The following NALCN variants were observed in gnomAD, a reference collection of about 807,000 sequenced individuals.
The protein encoded by NALCN is sodium leak channel NALCN.
In NALCN, 111 loss-of-function variants were observed where a neutral mutation model predicts 225.3. The observed-to-expected ratio is 0.49, with a 90% CI of 0.42 to 0.58. The LOEUF (loss-of-function observed/expected upper bound fraction) is 0.58. NALCN is among the 20% of genes least tolerant of loss of function. NALCN has a pLI of 0.00. For missense variants in NALCN, 1,378 were observed against 2,202.4 expected (o/e 0.63, Z 7.49); for synonymous variants, 764 against 769.0 (o/e 0.99, Z 0.11).
intron 7 of NALCN, among the ~76,000 whole-genome samples, chr13:101,304,763 T>C (rs1357657468): frequency 4.0e-5 from 6 of 148,418 alleles, no homozygotes; most frequent in African/African-American, 1.2e-4. Flanking sequence ...CTTTTCTTTT[T>C]TTTTTTTTTT....
At chr13:101,406,359 G>A (rs1222778020) in intron 1 of NALCN, among the ~76,000 whole-genome samples, 1 of 152,006 alleles carries the variant, frequency 6.6e-6, no homozygotes, top group Non-Finnish European at 1.5e-5. Flanking sequence ...TATGCACTAT[G>A]TCATTCCATT....
At position 101,176,300 on chromosome 13, in the gene NALCN, T is replaced by C. The variant is rs2038955990; in HGVS notation, c.1839A>G (p.Gln613=). 1 of 1,577,544 alleles carries C rather than the reference T, an allele frequency of 6.3e-7. No individual in the cohort carries two copies. The change falls in exon 15 of 44, where the codon CAA becomes CAG. Residue 613 remains glutamine, a splice_region_variant and synonymous_variant. Transcript: ENST00000251127. ...ELDEDLKKLK[Q]LKQSEANADT... Reference sequence around the variant, plus strand: ...AAAAAATCCCCCACACACTACTTACTTGTTTAAGCTTCTTTAGGTCTTCAT... The same window carrying C: ...AAAAAATCCCCCACACACTACTTACCTGTTTAAGCTTCTTTAGGTCTTCAT...
At chr13:101,200,503 G>C (rs531090877) in intron 13 of NALCN, among the ~76,000 whole-genome samples, 1 of 152,056 alleles carries the variant, frequency 6.6e-6, no homozygotes, top group African/African-American at 2.4e-5. Flanking sequence ...TAAGAGCGTC[G>C]GATAAAAATA....
chr13:101,340,521 A>T (rs931928177), intron 7 of NALCN, among the ~76,000 whole-genome samples: 1 of 152,180 alleles, frequency 6.6e-6, no homozygotes, highest in African/African-American at 2.4e-5. Flanking sequence ...TCTACGCTAC[A>T]CGTACTCTAA....
intron 10 of NALCN, among the ~76,000 whole-genome samples, chr13:101,273,973 C>T (rs1363566409): frequency 6.6e-6 from 1 of 151,310 alleles, no homozygotes; most frequent in Non-Finnish European, 1.5e-5. Context: ...CAGGGAGATG[C>T]AAATTTACAT....
At chr13:101,312,389 T>C (rs1417016089) in intron 7 of NALCN, among the ~76,000 whole-genome samples, 1 of 152,176 alleles carries the variant, frequency 6.6e-6, no homozygotes, top group African/African-American at 2.4e-5. Context: ...TAGCTATTTC[T>C]TGCCTTCTGC....
At chr13:101,084,819 TAGG>T (rs1354318548) in intron 30 of NALCN, among the ~76,000 whole-genome samples, 1 of 152,326 alleles carries the variant, frequency 6.6e-6, no homozygotes, top group African/African-American at 2.4e-5. Flanking sequence ...TGTTGATCTC[TAGG>T]AGAAGAATTG....
chr13:101,076,233 G>T (rs2033244864), intron 34 of NALCN, among the ~76,000 whole-genome samples: 1 of 152,164 alleles, frequency 6.6e-6, no homozygotes, highest in South Asian at 2.1e-4. Flanking sequence ...TGCATACAGG[G>T]TGTGAAAAAC....
intron 43 of NALCN, chr13:101,057,259 T>C (rs1045976084): frequency 1.3e-5 from 2 of 152,666 alleles, no homozygotes; most frequent in Non-Finnish European, 2.9e-5. Context: ...TCCTGAGTGC[T>C]CTTAATGGGA....
chr13:101,404,138 A>G (rs1787622949), intron 1 of NALCN, among the ~76,000 whole-genome samples: 1 of 152,170 alleles, frequency 6.6e-6, no homozygotes, highest in Non-Finnish European at 1.5e-5. Flanking sequence ...GAGAGCCTCT[A>G]GTGTGGCGCA....
chr13:101,235,534 A>G (rs749770033), intron 12 of NALCN, among the ~76,000 whole-genome samples: 3 of 152,200 alleles, frequency 2.0e-5, no homozygotes, highest in Non-Finnish European at 4.4e-5. Flanking sequence ...GAATCTAGAG[A>G]GCAGTGCACA....
At chr13:101,285,567 T>C (rs147775130) in intron 9 of NALCN, among the ~76,000 whole-genome samples, 347 of 152,230 alleles carry the variant, frequency 2.3e-3, no homozygotes, top group African/African-American at 7.8e-3. Flanking sequence ...CTGCCTCCTA[T>C]ATGTATTTTT....
chr13:101,402,957 G>A (rs1408754219), intron 1 of NALCN, among the ~76,000 whole-genome samples: 2 of 152,068 alleles, frequency 1.3e-5, no homozygotes. Context: ...TTCCATATAT[G>A]TACAACGGCC....
At chr13:101,326,714 A>G (rs2044964556) in intron 7 of NALCN, among the ~76,000 whole-genome samples, 1 of 152,210 alleles carries the variant, frequency 6.6e-6, no homozygotes, top group Admixed American at 6.5e-5. Flanking sequence ...ACTGCAAAAT[A>G]TGGTGGGTTA....
At chr13:101,297,019 AC>A (rs1318370344) in intron 7 of NALCN, among the ~76,000 whole-genome samples, 1 of 152,158 alleles carries the variant, frequency 6.6e-6, no homozygotes, top group Non-Finnish European at 1.5e-5. Flanking sequence ...TGTTTTGATT[AC>A]CTTTAGGATT....
At chr13:101,387,572 T>C in intron 3 of NALCN, among the ~76,000 whole-genome samples, 1 of 152,190 alleles carries the variant, frequency 6.6e-6, no homozygotes, top group Non-Finnish European at 1.5e-5. Flanking sequence ...ATTTGCAAAT[T>C]ATTCTGGGTG....
chr13:101,202,637 C>T (rs935309899), intron 13 of NALCN, among the ~76,000 whole-genome samples: 1 of 152,126 alleles, frequency 6.6e-6, no homozygotes, highest in Non-Finnish European at 1.5e-5. Flanking sequence ...ATCCAGCTGC[C>T]CTGTGGAGAG....
At chr13:101,200,280 G>A (rs950199034) in intron 13 of NALCN, among the ~76,000 whole-genome samples, 1 of 152,022 alleles carries the variant, frequency 6.6e-6, no homozygotes, top group African/African-American at 2.4e-5. Flanking sequence ...AAGTTATTCA[G>A]GCCAATGACC....
chr13:101,410,156 C>G (rs1421879186), intron 1 of NALCN, among the ~76,000 whole-genome samples: 2 of 152,128 alleles, frequency 1.3e-5, no homozygotes, highest in Non-Finnish European at 2.9e-5. Flanking sequence ...TTACAGCAGC[C>G]CAAGCTAACT....
Sources: gnomAD v4.1 joint callset for allele counts (sites outside exome capture counted in the v4.1 genomes callset) on GRCh38, gnomAD v4.1.1 for gene constraint, MANE v1.5 for transcripts, NCBI Gene and HGNC (gene_info 2026-07-23, HGNC 2026-07-21) for gene names.